PTPN4: variants seen among roughly 807,000 people sequenced by gnomAD.
PTPN4 encodes the protein tyrosine-protein phosphatase non-receptor type 4.
Under a neutral mutation model 135.5 loss-of-function variants are expected in PTPN4, and 49 were observed. That is an observed-to-expected ratio of 0.36 (90% CI 0.29 to 0.46). The LOEUF is 0.46. Among genes scored for constraint, PTPN4 ranks in the 20% least tolerant of loss-of-function variants. The pLI is 1.00. For missense variants in PTPN4, 860 were observed against 1,101.0 expected, an observed-to-expected ratio of 0.78 and a Z score of 3.10; for synonymous variants, 333 against 369.9, an observed-to-expected ratio of 0.90 and a Z score of 1.14.
At chr2:119,842,533 C>G in intron 2 of PTPN4, among the ~76,000 whole-genome samples, 1 of 151,844 alleles carries the variant, frequency 6.6e-6, no homozygotes, top group Non-Finnish European at 1.5e-5. Context: ...GATGACAACT[C>G]AAAAAAAGCT....
At position 119,926,895 on chromosome 2, in the gene PTPN4, GA is replaced by G. The variant is rs1395245245; in HGVS notation, c.1070+231del. Among the ~76,000 whole-genome samples, 35 of 151,962 alleles carry G rather than the reference GA, an allele frequency of 2.3e-4. 1 individual carries two copies. The highest frequency in any genetic ancestry group is 4.4e-5 in the Non-Finnish European group (3 of 67,986). On this transcript the variant is annotated intron_variant, in intron 13 of 26. Transcript: ENST00000263708. ...ATAGTGTGCCAGGCATTGCAGTTCT[GA>G]ATAGGCTGATCAAATATTATGTTAT...
At chr2:119,918,306 A>G (rs981659128) in intron 11 of PTPN4, among the ~76,000 whole-genome samples, 5 of 152,236 alleles carry the variant, frequency 3.3e-5, no homozygotes, top group African/African-American at 1.2e-4. Flanking sequence ...CGGACATAGA[A>G]GGAAACCTTC....
At chr2:119,940,896 G>C (rs1397149233) in intron 15 of PTPN4, among the ~76,000 whole-genome samples, 1 of 151,996 alleles carries the variant, frequency 6.6e-6, no homozygotes, top group African/African-American at 2.4e-5. Flanking sequence ...ATCCCTTCAG[G>C]ATTGCATTTT....
At chr2:119,889,409 G>T (rs1023149374) in intron 9 of PTPN4, among the ~76,000 whole-genome samples, 2 of 152,062 alleles carry the variant, frequency 1.3e-5, no homozygotes, top group African/African-American at 4.8e-5. Context: ...GACAGAGAGA[G>T]ACTCTGTCTC....
At chr2:119,948,964 T>C (rs911699087) in intron 18 of PTPN4, among the ~76,000 whole-genome samples, 2 of 152,130 alleles carry the variant, frequency 1.3e-5, no homozygotes, top group African/African-American at 4.8e-5. Flanking sequence ...TTAGAAAAGA[T>C]AATACACATT....
intron 10 of PTPN4, 92 bp from the exon 11 acceptor site, chr2:119,915,087 T>C (rs1678631917): frequency 1.9e-6 from 2 of 1,074,040 alleles, no homozygotes; most frequent in Non-Finnish European, 2.6e-6. Flanking sequence ...TGTTTAGATA[T>C]TACTAAATAT....
chr2:119,878,431 A>AG (rs1678017310), intron 5 of PTPN4, among the ~76,000 whole-genome samples: 3 of 152,326 alleles, frequency 2.0e-5, no homozygotes, highest in Admixed American at 2.0e-4. Flanking sequence ...GAATTACTCT[A>AG]AAAGATAGGT....
intron 2 of PTPN4, among the ~76,000 whole-genome samples, chr2:119,819,519 TAGGACTTAGATCTC>T (rs1356539312): frequency 2.0e-5 from 3 of 152,332 alleles, no homozygotes; most frequent in Non-Finnish European, 4.4e-5. Context: ...TTGAGCCAAA[TAGGACTTAGATCTC>T]AGTTAATAAT....
At chr2:119,785,543 T>G (rs1241333406) in intron 1 of PTPN4, among the ~76,000 whole-genome samples, 1 of 152,204 alleles carries the variant, frequency 6.6e-6, no homozygotes, top group African/African-American at 2.4e-5. Context: ...TTGGGTTCCA[T>G]TTCCATAGAT....
chr2:119,880,031 G>A (rs928679257), intron 5 of PTPN4: 1 of 105,850 alleles, frequency 9.4e-6, no homozygotes, highest in African/African-American at 3.7e-5. Context: ...ATGGGGGGGT[G>A]GGGGGCGGGA....
Position 119,786,646 on chromosome 2 carries a change from A to G in PTPN4, c.-17-23191A>G, listed in dbSNP as rs1015419419. On this transcript the variant is annotated intron_variant, in intron 1 of 26. Coordinates refer to ENST00000263708, the MANE Select transcript of PTPN4 (RefSeq NM_002830.4). ...GGGATAAGTATCCCCAGACAAACCC[A>G]GTAAAAATTGTATCTCCTTTTGTGA... Among the ~76,000 whole-genome samples the G allele has an allele frequency of 2.0e-5, 3 of 152,160 alleles. No homozygotes were observed. The South Asian group carries it at 6.2e-4, about 32-fold the overall frequency.
chr2:119,789,511 T>C (rs1268816178), intron 1 of PTPN4, among the ~76,000 whole-genome samples: 4 of 152,240 alleles, frequency 2.6e-5, no homozygotes, highest in Non-Finnish European at 5.9e-5. Context: ...TCCAGTGCCA[T>C]GAAGCTCTAT....
Position 119,914,248 on chromosome 2 carries a change from A to ATTTTTTTTT in PTPN4, c.765-911_765-903dup, listed in dbSNP as rs55911315. 3.9e-4 allele frequency among the ~76,000 whole-genome samples: 38 copies of ATTTTTTTTT among 97,424 alleles called. 6 individuals are homozygous for ATTTTTTTTT. The highest frequency in any genetic ancestry group is 1.4e-3 in the African/African-American group (24 of 17,064). The allele number at this position is 97,424 out of a possible 152,430, so 63.9% of individuals were successfully genotyped here. A position where few individuals can be genotyped will look rare whatever the true frequency, so the allele number is the denominator to read the frequency against. ...CATAAATACAGTCAATAGTTACTCAATTTTTTTTTTTTTTTTTTTTTTTTT... is the reference window on the plus strand; with the variant it reads ...CATAAATACAGTCAATAGTTACTCAATTTTTTTTTTTTTTTTTTTTTTTTTTTTTTTTTT... On this transcript the variant is annotated intron_variant, in intron 10 of 26. Coordinates refer to ENST00000263708, the MANE Select transcript of PTPN4 (RefSeq NM_002830.4).
intron 10 of PTPN4, among the ~76,000 whole-genome samples, chr2:119,910,612 G>T (rs1678557321): frequency 6.6e-6 from 1 of 152,160 alleles, no homozygotes; most frequent in Non-Finnish European, 1.5e-5. Context: ...GGTGGGACCA[G>T]GTGGAGGTAG....
intron 10 of PTPN4, among the ~76,000 whole-genome samples, chr2:119,901,595 C>T (rs1014232528): frequency 2.6e-5 from 4 of 151,998 alleles, no homozygotes; most frequent in Non-Finnish European, 4.4e-5. Context: ...CAAGACGTGT[C>T]GAAAGGCAGT....
intron 1 of PTPN4, among the ~76,000 whole-genome samples, chr2:119,790,005 G>A (rs1407385363): frequency 6.6e-6 from 1 of 152,208 alleles, no homozygotes; most frequent in African/African-American, 2.4e-5. Context: ...TGGGATTACA[G>A]GTGTGAGCCA....
chr2:119,982,622 T>C lies in PTPN4; in HGVS notation c.*5552T>C, dbSNP rs1410875491. ...TATAAAATAATTGAATTCTAGACTTTTGGAGTGTGGAAGGGTGTTTGTGTG... is the reference window on the plus strand; with the variant it reads ...TATAAAATAATTGAATTCTAGACTTCTGGAGTGTGGAAGGGTGTTTGTGTG... On this transcript the variant is annotated 3_prime_UTR_variant, in exon 27 of 27. Transcript: ENST00000263708. 6.6e-6 allele frequency: 1 copy of C among 152,194 alleles called. No individual in the cohort carries two copies. Among genetic ancestry groups the C allele is most frequent in the South Asian group, 2.1e-4 (1 of 4,836 alleles). 9.4% of individuals were successfully genotyped at this position (152,194 alleles called of 1,614,324 possible).
At chr2:119,873,354 T>G (rs775492227) in intron 3 of PTPN4, among the ~76,000 whole-genome samples, 2 of 152,156 alleles carry the variant, frequency 1.3e-5, no homozygotes, top group South Asian at 4.1e-4. Flanking sequence ...ACTTGTCACA[T>G]AGAAGTGCAC....
chr2:119,809,112 A>G (rs559582904), intron 1 of PTPN4, among the ~76,000 whole-genome samples: 37 of 149,306 alleles, frequency 2.5e-4, no homozygotes, highest in Middle Eastern at 3.4e-3. Context: ...ATGAATGTTA[A>G]TTTTCTAGGT....
Sources: allele counts gnomAD v4.1 joint callset (sites outside exome capture counted in the v4.1 genomes callset), GRCh38; gene constraint gnomAD v4.1.1; transcripts MANE v1.5; gene names NCBI Gene and HGNC (gene_info 2026-07-23, HGNC 2026-07-21).